RAB3C: variants seen among roughly 807,000 people sequenced by gnomAD.
RAB3C encodes RAB3C, member RAS oncogene family, also known as ras-related protein Rab-3C.
Under a neutral mutation model 26.4 loss-of-function variants are expected in RAB3C, and 17 were observed. That is an observed-to-expected ratio of 0.64 (90% confidence interval 0.44 to 0.97). The LOEUF (loss-of-function observed/expected upper bound fraction) is 0.97. Among genes scored for constraint, RAB3C ranks in the 50% least tolerant of loss-of-function variants. The pLI is 0.00. For missense variants in RAB3C, 242 were observed against 281.9 expected (o/e 0.86, Z 1.01); for synonymous variants, 91 against 95.9 (o/e 0.95, Z 0.30).
chr5:58,703,896 C>T (rs1748895706), intron 2 of RAB3C, among the ~76,000 whole-genome samples: 1 of 152,122 alleles, frequency 6.6e-6, no homozygotes, highest in Admixed American at 6.6e-5. Context: ...GAAATCAGTT[C>T]CTTTAAAAAG....
At chr5:58,787,990 G>T (rs1393727931) in intron 3 of RAB3C, among the ~76,000 whole-genome samples, 1 of 152,118 alleles carries the variant, frequency 6.6e-6, no homozygotes, top group Non-Finnish European at 1.5e-5. Flanking sequence ...AAAATACAGA[G>T]AAAACCTTAC....
intron 3 of RAB3C, among the ~76,000 whole-genome samples, chr5:58,811,379 C>A (rs1158564235): frequency 6.6e-6 from 1 of 151,354 alleles, no homozygotes; most frequent in Non-Finnish European, 1.5e-5. Flanking sequence ...GTGTGTGTGT[C>A]TGTGTGTGTA....
At chr5:58,748,714 A>C (rs1741453158) in intron 3 of RAB3C, among the ~76,000 whole-genome samples, 4 of 152,182 alleles carry the variant, frequency 2.6e-5, no homozygotes, top group Admixed American at 2.6e-4. Context: ...AACAAAGTAT[A>C]GGAAATCATT....
At chr5:58,740,279 T>G (rs1020662042) in intron 3 of RAB3C, among the ~76,000 whole-genome samples, 2 of 152,168 alleles carry the variant, frequency 1.3e-5, no homozygotes, top group Non-Finnish European at 2.9e-5. Flanking sequence ...TGAGGCCCTT[T>G]CTTAAGAGTC....
chr5:58,588,857 T>C (rs1354632747), intron 1 of RAB3C, among the ~76,000 whole-genome samples: 4 of 152,138 alleles, frequency 2.6e-5, no homozygotes, highest in Admixed American at 2.6e-4. Context: ...TATTTACAAA[T>C]AGAGATAGTT....
intron 2 of RAB3C, among the ~76,000 whole-genome samples, chr5:58,623,015 G>C (rs1746968347): frequency 1.3e-5 from 2 of 152,188 alleles, no homozygotes; most frequent in Non-Finnish European, 2.9e-5. Flanking sequence ...TCTTTCAGTA[G>C]TTTCTTATGA....
intron 1 of RAB3C, among the ~76,000 whole-genome samples, chr5:58,611,402 G>T (rs529817201): frequency 1.6e-4 from 24 of 152,052 alleles, no homozygotes; most frequent in East Asian, 7.7e-4. Context: ...GTTATTTTTT[G>T]ATTTTTTAGT....
chr5:58,807,508 T>C (rs1157398), intron 3 of RAB3C, among the ~76,000 whole-genome samples: 65,294 of 152,028 alleles, frequency 0.43, 15,589 homozygotes, highest in Middle Eastern at 0.64. Context: ...TCTCTGAGTT[T>C]GGAGTCTGGG....
intron 1 of RAB3C, among the ~76,000 whole-genome samples, chr5:58,613,738 T>G (rs1203075782): frequency 6.6e-6 from 1 of 152,102 alleles, no homozygotes; most frequent in Non-Finnish European, 1.5e-5. Context: ...ATCTAGAATA[T>G]TGTGACCAAT....
chr5:58,697,729 G>A (rs190909986), intron 2 of RAB3C, among the ~76,000 whole-genome samples: 4 of 152,132 alleles, frequency 2.6e-5, no homozygotes, highest in African/African-American at 7.2e-5. Flanking sequence ...TGTTTTATCC[G>A]AGACTAGGAT....
chr5:58,687,757 A>G (rs1303774841), intron 2 of RAB3C, among the ~76,000 whole-genome samples: 1 of 152,140 alleles, frequency 6.6e-6, no homozygotes, highest in Non-Finnish European at 1.5e-5. Flanking sequence ...TCCTACATGT[A>G]AGATGCACTC....
intron 2 of RAB3C, among the ~76,000 whole-genome samples, chr5:58,637,771 C>G (rs975722279): frequency 5.9e-5 from 9 of 152,062 alleles, no homozygotes; most frequent in Non-Finnish European, 1.5e-5. Flanking sequence ...AAAAAGACAT[C>G]ACTGGAAATC....
chr5:58,603,532 G>T, intron 1 of RAB3C, among the ~76,000 whole-genome samples: 1 of 152,208 alleles, frequency 6.6e-6, no homozygotes, highest in East Asian at 1.9e-4. Context: ...GTCTTTGTTG[G>T]ATTGGGTTAA....
intron 3 of RAB3C, among the ~76,000 whole-genome samples, chr5:58,793,581 CT>C (rs55954473): frequency 0.042 from 5,872 of 138,244 alleles, 371 homozygotes; most frequent in African/African-American, 0.14. Flanking sequence ...CATTTTGCCA[CT>C]TTTTTTTTTT....
intron 2 of RAB3C, among the ~76,000 whole-genome samples, chr5:58,685,298 T>C (rs1748421366): frequency 6.6e-6 from 1 of 152,172 alleles, no homozygotes; most frequent in Non-Finnish European, 1.5e-5. Context: ...GCTGCATTCG[T>C]TCTGGAGGTT....
intron 2 of RAB3C, among the ~76,000 whole-genome samples, chr5:58,677,146 A>T (rs972779747): frequency 6.6e-6 from 1 of 152,184 alleles, no homozygotes; most frequent in South Asian, 2.1e-4. Context: ...CCCAATGTGC[A>T]TGTCTGTGTC....
rs150125367 is a variant in RAB3C, at chr5:58,707,706, C to A, written c.253-18296C>A. 2.9e-3 allele frequency among the ~76,000 whole-genome samples: 449 copies of A among 152,266 alleles called. 2 individuals carry two copies. Among genetic ancestry groups the A allele is most frequent in the African/African-American group, 8.8e-3 (365 of 41,560 alleles). ...AGAAGGTACACATTCCCAGACTCAGCTGCCAAATCTACTAAGGGAGAACTT... is the reference window on the plus strand; with the variant it reads ...AGAAGGTACACATTCCCAGACTCAGATGCCAAATCTACTAAGGGAGAACTT... On this transcript the variant is annotated intron_variant, in intron 2 of 4. Coordinates refer to ENST00000282878, the MANE Select transcript of RAB3C (RefSeq NM_138453.4).
intron 3 of RAB3C, among the ~76,000 whole-genome samples, chr5:58,802,487 C>T (rs779488011): frequency 1.3e-4 from 20 of 152,194 alleles, no homozygotes; most frequent in Non-Finnish European, 2.5e-4. Context: ...CTAACGGCCA[C>T]GGCTGCTGAC....
intron 2 of RAB3C, among the ~76,000 whole-genome samples, chr5:58,643,255 T>C (rs1747448341): frequency 6.6e-6 from 1 of 152,116 alleles, no homozygotes; most frequent in South Asian, 2.1e-4. Flanking sequence ...CCTTTTAAGC[T>C]GAAAGAACAT....
Sources: gnomAD v4.1 joint callset for allele counts (sites outside exome capture counted in the v4.1 genomes callset) on GRCh38, gnomAD v4.1.1 for gene constraint, MANE v1.5 for transcripts, NCBI Gene and HGNC (gene_info 2026-07-23, HGNC 2026-07-21) for gene names.